ECSIT: variants seen among roughly 807,000 people sequenced by gnomAD.
ECSIT encodes the protein ECSIT signaling integrator.
ECSIT carries 29 observed loss-of-function variants against 36.8 expected under a neutral mutation model. The observed-to-expected ratio is 0.79, with a 90% CI of 0.59 to 1.08. The LOEUF (loss-of-function observed/expected upper bound fraction) is 1.08. Ranked by LOEUF, ECSIT falls within the 50% of genes least tolerant of loss-of-function variation. The pLI, the probability that ECSIT is intolerant of heterozygous loss-of-function variation, is 0.00. For synonymous variants in ECSIT, 231 were observed against 234.8 expected (o/e 0.98, Z 0.15); for missense variants, 542 against 581.0 (o/e 0.93, Z 0.69).
chr19:11,527,715 A>G (rs1180150034), intron 1 of ECSIT, among the ~76,000 whole-genome samples: 1 of 151,966 alleles, frequency 6.6e-6, no homozygotes, highest in Non-Finnish European at 1.5e-5. Context: ...ATAGCCAGGG[A>G]GCAGTGGCTC....
intron 1 of ECSIT, chr19:11,523,897 C>G (rs1036189619): frequency 4.7e-6 from 2 of 422,186 alleles, no homozygotes; most frequent in Non-Finnish European, 9.0e-6. Flanking sequence ...ACTGAGACCT[C>G]TGGACAACAG....
chr19:11,507,914 C>T, intron 5 of ECSIT, 64 bp from the exon 6 acceptor site: 1 of 1,613,992 alleles, frequency 6.2e-7, no homozygotes, highest in Non-Finnish European at 8.5e-7. Flanking sequence ...CCAGGGAGCC[C>T]AGCCTAGGCC....
intron 1 of ECSIT, among the ~76,000 whole-genome samples, chr19:11,520,148 T>C (rs1454491120): frequency 2.0e-5 from 3 of 151,920 alleles, no homozygotes; most frequent in Admixed American, 2.0e-4. Context: ...TATGATTGGT[T>C]TCCTTCACTT....
rs1009297546 is a variant in ECSIT, at chr19:11,520,687, A to AT, written c.-23-1495dup. On this transcript the variant is annotated intron_variant, in intron 1 of 7. Transcript: ENST00000270517. ...GCCACTGCATCCAGCTAATTTATAG[A>AT]TTTTTTTGTAGAGATGGGGTTTCGC... 1.2e-4 allele frequency among the ~76,000 whole-genome samples: 17 copies of AT among 145,804 alleles called. No homozygotes were observed. The Admixed American group carries it at 1.2e-3, about 10-fold the overall frequency.
rs1319146488 is a variant in ECSIT, at chr19:11,513,061, A to G, written c.733T>C (p.Tyr245His). The change falls in exon 4 of 8, where the codon TAC becomes CAC. Residue 245 changes from tyrosine to histidine, a missense_variant. Coordinates refer to ENST00000270517, the MANE Select transcript of ECSIT (RefSeq NM_016581.5). ...EPDLSARVTIYQVPLPKDSTG... is the reference protein window; with the variant it reads ...EPDLSARVTIHQVPLPKDSTG... ...CTGTAGACAAGGGCGGATACCTGGT[A>G]GATGGTGACCCTGGCACTAAGGTCA... is the stretch of plus-strand genomic sequence containing the variant. 6.2e-7 allele frequency: 1 copy of G among 1,613,826 alleles called. No homozygotes were observed. The highest frequency in any genetic ancestry group is 1.3e-5 in the African/African-American group (1 of 74,954).
Position 11,514,152 on chromosome 19 carries a change from G to A in ECSIT, c.166C>T (p.Pro56Ser). 3 of 1,613,740 alleles carry A rather than the reference G, an allele frequency of 1.9e-6. No homozygotes were observed. Among genetic ancestry groups the A allele is most frequent in the Non-Finnish European group, 2.5e-6 (3 of 1,179,786 alleles). Reference sequence around the variant, plus strand: ...CTCTGCCGGGGTTCCGGTGGGCTGGGAACCAGGGACTGTTCAGAGCTATGG... The same window carrying A: ...CTCTGCCGGGGTTCCGGTGGGCTGGAAACCAGGGACTGTTCAGAGCTATGG... Reference protein sequence around the residue: ...AAHSSEQSLVPSPPEPRQRPT... With the variant: ...AAHSSEQSLVSSPPEPRQRPT... Residue 56 changes from proline (P) to serine (S), a missense_variant, in exon 3 of 8, where the codon CCC (proline) becomes TCC (serine). Transcript: ENST00000270517.
chr19:11,528,206 T>C (rs1215133198), intron 1 of ECSIT, among the ~76,000 whole-genome samples: 1 of 152,174 alleles, frequency 6.6e-6, no homozygotes, highest in Non-Finnish European at 1.5e-5. Context: ...TGAAAGGTCT[T>C]CTTTGACCAT....
rs751967425 is a variant in ECSIT at position 11,513,952 on chromosome 19, G to T, written c.366C>A (p.Val122=). 7 of 1,614,216 alleles carry T rather than the reference G, an allele frequency of 4.3e-6. No homozygotes were observed. The highest frequency in any genetic ancestry group is 5.1e-6 in the Non-Finnish European group (6 of 1,180,046). The change falls in exon 3 of 8, where the codon GTC becomes GTA. Residue 122 remains valine, a synonymous_variant. Transcript: ENST00000270517. ...LALRKMREYG[V]ERDLAVYNQL... ...GGTTGTACACAGCCAGGTCCCGCTC[G>T]ACACCATACTCCCGCATCTTGCGCA...
intron 2 of ECSIT, among the ~76,000 whole-genome samples, chr19:11,517,120 A>C (rs764925364): frequency 2.0e-5 from 3 of 152,098 alleles, no homozygotes; most frequent in Non-Finnish European, 4.4e-5. Context: ...TACTGCACTC[A>C]TTTTACAGAT....
chr19:11,516,419 G>C (rs1055943737), intron 2 of ECSIT: 4 of 152,108 alleles, frequency 2.6e-5, no homozygotes, highest in African/African-American at 9.7e-5. Context: ...TAGTTATCAA[G>C]GTTGTACTGT....
chr19:11,522,251 AG>A, intron 1 of ECSIT: 1 of 622,042 alleles, frequency 1.6e-6, no homozygotes, highest in Non-Finnish European at 2.9e-6. Flanking sequence ...AACATGTACC[AG>A]GAATATTGGG....
intron 1 of ECSIT, chr19:11,523,716 T>C: frequency 1.4e-6 from 1 of 691,058 alleles, no homozygotes; most frequent in Non-Finnish European, 2.6e-6. Flanking sequence ...TCTGTAAAAT[T>C]GAGAGAAGGG....
chr19:11,507,927 G>C lies in ECSIT; in HGVS notation c.796+64C>G, dbSNP rs762527926. ...GCCCAGGGAGCCCAGCCTAGGCCCA[G>C]CGAGAACCTGGCAGGGCCTGGGTAA... On this transcript the variant is annotated intron_variant, in intron 5 of 7. Coordinates refer to ENST00000270517, the MANE Select transcript of ECSIT (RefSeq NM_016581.5). The C allele has an allele frequency of 3.7e-6, 6 of 1,613,924 alleles. No homozygotes were observed. The Admixed American group carries it at 6.7e-5, about 18-fold the overall frequency.
chr19:11,511,244 C>A lies in ECSIT; in HGVS notation c.738+1812G>T, dbSNP rs1971865004. Among the ~76,000 whole-genome samples the A allele has an allele frequency of 3.3e-5, 5 of 152,164 alleles. No homozygotes were observed. The South Asian group carries it at 1.0e-3, about 32-fold the overall frequency. ...GTGATCTGGCATGAGTGGGGGCTCC[C>A]AGGACACTGAGTTGAGGGTGTTACT... is the stretch of plus-strand genomic sequence containing the variant. On this transcript the variant is annotated intron_variant, in intron 4 of 7. Coordinates refer to ENST00000270517, the MANE Select transcript of ECSIT (RefSeq NM_016581.5).
intron 2 of ECSIT, among the ~76,000 whole-genome samples, chr19:11,515,301 C>G (rs905905723): frequency 6.7e-6 from 1 of 150,066 alleles, no homozygotes; most frequent in Non-Finnish European, 1.5e-5. Flanking sequence ...GACGGGGTTT[C>G]ACTGTGTTAG....
chr19:11,507,666 C>G lies in ECSIT; in HGVS notation c.945+36G>C, dbSNP rs760234305. The G allele has an allele frequency of 2.5e-6, 4 of 1,613,944 alleles. No individual in the cohort carries two copies. The South Asian group carries it at 4.4e-5, about 18-fold the overall frequency. On this transcript the variant is annotated intron_variant, in intron 6 of 7. Coordinates refer to ENST00000270517, the MANE Select transcript of ECSIT (RefSeq NM_016581.5). The stretch of plus-strand genomic sequence containing the variant: ...CCCTCAGGGTAGTGCCAGCCCACTC[C>G]CCAGCCCCAACACATGCTTTGCTTT...
chr19:11,517,337 G>C (rs973127040), intron 2 of ECSIT, among the ~76,000 whole-genome samples: 1 of 151,654 alleles, frequency 6.6e-6, no homozygotes, highest in South Asian at 2.1e-4. Flanking sequence ...GCAGTGGCTC[G>C]TGCCTGTAAT....
rs751832682 is a variant in ECSIT at position 11,514,008 on chromosome 19, G to A, written c.310C>T (p.Arg104Trp). ...AGGTAGATGAAGTCAATGTGGCCCC[G>A]CTTACGCACGCTGTGCTCCGCAAAT... Reference protein sequence around the residue: ...QKFAEHSVRKRGHIDFIYLAL... With the variant: ...QKFAEHSVRKWGHIDFIYLAL... Residue 104 changes from arginine to tryptophan, a missense_variant, in exon 3 of 8, where the codon CGG (arginine) becomes TGG (tryptophan). Physicochemically the swap from Arg to Trp is moderately radical, Grantham distance 101 (BLOSUM62 -3). Transcript: ENST00000270517. 2.2e-5 allele frequency: 36 copies of A among 1,614,104 alleles called. No individual in the cohort carries two copies. Among genetic ancestry groups the A allele is most frequent in the Non-Finnish European group, 2.6e-5 (31 of 1,180,052 alleles).
At chr19:11,511,129 C>A (rs1254605199) in intron 4 of ECSIT, among the ~76,000 whole-genome samples, 3 of 152,162 alleles carry the variant, frequency 2.0e-5, no homozygotes, top group Non-Finnish European at 4.4e-5. Flanking sequence ...CCGGGCTTCT[C>A]CATCTCAGAA....
Sources: gnomAD v4.1 joint callset for allele counts (sites outside exome capture counted in the v4.1 genomes callset) on GRCh38, gnomAD v4.1.1 for gene constraint, MANE v1.5 for transcripts, NCBI Gene and HGNC (gene_info 2026-07-23, HGNC 2026-07-21) for gene names.